The following SGMS1 variants were observed in gnomAD, a reference collection of about 807,000 sequenced individuals.
SGMS1 encodes phosphatidylcholine:ceramide cholinephosphotransferase 1.
Under a neutral mutation model 46.2 loss-of-function variants are expected in SGMS1, and 13 were observed. The observed-to-expected ratio is 0.28, with a 90% CI of 0.18 to 0.45. The LOEUF is 0.45. SGMS1 is among the 20% of genes least tolerant of loss of function. The probability of loss-of-function intolerance (pLI) is 1.00; values close to 1 mark genes in which losing one functional copy is unlikely to be tolerated. For missense variants in SGMS1, 324 were observed against 519.9 expected (o/e 0.62, Z 3.66); for synonymous variants, 203 against 187.8 (o/e 1.08, Z -0.66).
At chr10:50,488,767 C>T (rs1050862728) in intron 3 of SGMS1, among the ~76,000 whole-genome samples, 1 of 152,166 alleles carries the variant, frequency 6.6e-6, no homozygotes. Context: ...TTCCCATAGT[C>T]AGTAAGAAAT....
At chr10:50,450,643 G>A (rs1837094570) in intron 5 of SGMS1, among the ~76,000 whole-genome samples, 1 of 151,886 alleles carries the variant, frequency 6.6e-6, no homozygotes, top group South Asian at 2.1e-4. Flanking sequence ...AATAAATATA[G>A]GAAGTTAATA....
At chr10:50,410,637 T>C (rs1302221009) in intron 6 of SGMS1, among the ~76,000 whole-genome samples, 1 of 152,170 alleles carries the variant, frequency 6.6e-6, no homozygotes, top group African/African-American at 2.4e-5. Context: ...CACTGTGCAC[T>C]GTGAGGTTAA....
intron 3 of SGMS1, among the ~76,000 whole-genome samples, chr10:50,515,614 G>A (rs1481859858): frequency 2.0e-5 from 3 of 152,168 alleles, no homozygotes; most frequent in African/African-American, 2.4e-5. Flanking sequence ...TGGCACAGAA[G>A]GCTAGGCAAA....
intron 2 of SGMS1, among the ~76,000 whole-genome samples, chr10:50,530,551 A>G (rs1466540836): frequency 6.6e-6 from 1 of 152,134 alleles, no homozygotes; most frequent in African/African-American, 2.4e-5. Context: ...TAGCGCAATT[A>G]TAGCTCACTG....
At chr10:50,548,854 A>G (rs1200745684) in intron 2 of SGMS1, among the ~76,000 whole-genome samples, 1 of 152,112 alleles carries the variant, frequency 6.6e-6, no homozygotes, top group Non-Finnish European at 1.5e-5. Flanking sequence ...ACTTAAATTT[A>G]CAAGAAAAAA....
chr10:50,476,215 A>G (rs1837426120), intron 3 of SGMS1, among the ~76,000 whole-genome samples: 1 of 147,832 alleles, frequency 6.8e-6, no homozygotes, highest in Non-Finnish European at 1.5e-5. Context: ...CATAGGTCGC[A>G]GTGAGCCAAG....
At chr10:50,551,622 T>C (rs1838149140) in intron 2 of SGMS1, among the ~76,000 whole-genome samples, 2 of 152,104 alleles carry the variant, frequency 1.3e-5, no homozygotes, top group Admixed American at 6.6e-5. Context: ...GATCTGGGAA[T>C]ATGAGAACTC....
intron 2 of SGMS1, among the ~76,000 whole-genome samples, chr10:50,589,632 G>C (rs190383351): frequency 6.6e-6 from 1 of 151,808 alleles, no homozygotes; most frequent in East Asian, 2.0e-4. Flanking sequence ...ACCACACCCA[G>C]CTAATTTTTT....
At chr10:50,393,005 T>C (rs1193528078) in intron 6 of SGMS1, among the ~76,000 whole-genome samples, 1 of 151,976 alleles carries the variant, frequency 6.6e-6, no homozygotes, top group Non-Finnish European at 1.5e-5. Context: ...TTTTTTTTTT[T>C]AATGAACCAA....
intron 5 of SGMS1, among the ~76,000 whole-genome samples, chr10:50,443,146 T>C (rs1263092777): frequency 1.3e-5 from 2 of 152,172 alleles, no homozygotes; most frequent in East Asian, 1.9e-4. Context: ...AGAGAACAAA[T>C]AATAGCTAGA....
At chr10:50,623,427 C>T (rs532260873) in intron 1 of SGMS1, among the ~76,000 whole-genome samples, 1 of 152,276 alleles carries the variant, frequency 6.6e-6, no homozygotes, top group East Asian at 1.9e-4. Flanking sequence ...CCTCCTTCCT[C>T]CCCGCCCCAA....
At chr10:50,591,363 C>T (rs1364950636) in intron 1 of SGMS1, among the ~76,000 whole-genome samples, 1 of 152,124 alleles carries the variant, frequency 6.6e-6, no homozygotes. Flanking sequence ...GAACATGATG[C>T]CTTCCTTAAA....
At position 50,307,096 on chromosome 10, in the gene SGMS1, T is replaced by A; in HGVS notation, c.*46A>T. 6.3e-7 allele frequency: 1 copy of A among 1,582,090 alleles called. No individual in the cohort carries two copies. The highest frequency in any genetic ancestry group is 8.6e-7 in the Non-Finnish European group (1 of 1,158,078). ...TTTATGGCATCTTCTCTCATGGAGT[T>A]CTTAGCACTTCGGACAATTTGTCTT... On this transcript the variant is annotated 3_prime_UTR_variant, in exon 11 of 11. Coordinates refer to ENST00000361781, the MANE Select transcript of SGMS1 (RefSeq NM_147156.4). This position sits in a 1 kb window ranked among gnomAD's most constrained non-coding sequence, Gnocchi z 4.2.
At chr10:50,342,212 G>C (rs1202788848) in intron 7 of SGMS1, 1 of 152,140 alleles carries the variant, frequency 6.6e-6, no homozygotes, top group East Asian at 1.9e-4. Context: ...CAAAAATAAT[G>C]CATTTAATAA....
At chr10:50,496,927 C>T (rs908524821) in intron 3 of SGMS1, among the ~76,000 whole-genome samples, 1 of 152,172 alleles carries the variant, frequency 6.6e-6, no homozygotes, top group Non-Finnish European at 1.5e-5. Flanking sequence ...AATGTCACTA[C>T]CAACATCTTT....
At chr10:50,552,953 A>G (rs931568002) in intron 2 of SGMS1, among the ~76,000 whole-genome samples, 2 of 152,234 alleles carry the variant, frequency 1.3e-5, no homozygotes, top group Non-Finnish European at 1.5e-5. Context: ...GACAGGCACC[A>G]TAAACTGGTA....
At chr10:50,449,198 G>A (rs188307210) in intron 5 of SGMS1, among the ~76,000 whole-genome samples, 6 of 152,234 alleles carry the variant, frequency 3.9e-5, no homozygotes, top group African/African-American at 9.6e-5. Context: ...TTGAGGTTCC[G>A]TTAGTTGAGC....
In SGMS1 at chr10:50,466,895, T is replaced by C. The variant is rs1837334821; in HGVS notation, c.-460A>G. The C allele has an allele frequency of 6.6e-6, 1 of 152,248 alleles. No homozygotes were observed. Among genetic ancestry groups the C allele is most frequent in the Non-Finnish European group, 1.5e-5 (1 of 67,986 alleles). 9.4% of individuals were successfully genotyped at this position (152,248 alleles called of 1,614,324 possible). A position where few individuals can be genotyped will look rare whatever the true frequency, so the allele number is the denominator to read the frequency against. ...TAATTTAAAAATCAGTTTACCTGAA[T>C]CATGCTGTTATTTTTCTTCATCAGT... On this transcript the variant is annotated 5_prime_UTR_variant, in exon 4 of 11. Coordinates refer to ENST00000361781, the MANE Select transcript of SGMS1 (RefSeq NM_147156.4).
intron 6 of SGMS1, among the ~76,000 whole-genome samples, chr10:50,384,985 G>T (rs1013779504): frequency 6.6e-6 from 1 of 152,056 alleles, no homozygotes; most frequent in Non-Finnish European, 1.5e-5. Flanking sequence ...ATTATTTAGT[G>T]TCCCCTTAGT....
Sources: gnomAD v4.1 joint callset for allele counts (sites outside exome capture counted in the v4.1 genomes callset) on GRCh38, gnomAD v4.1.1 for gene constraint, Gnocchi (gnomAD v3.1) non-coding constraint, MANE v1.5 for transcripts, NCBI Gene and HGNC (gene_info 2026-07-23, HGNC 2026-07-21) for gene names.